The following TTLL10 variants were observed in gnomAD, a reference collection of about 807,000 sequenced individuals.
TTLL10 encodes tubulin tyrosine ligase like 10, also known as inactive polyglycylase TTLL10.
TTLL10 carries 61 observed loss-of-function variants against 69.0 expected under a neutral mutation model. The observed-to-expected ratio is 0.88, with a 90% confidence interval of 0.72 to 1.09. The LOEUF (loss-of-function observed/expected upper bound fraction) is 1.09, where lower values mean the gene tolerates loss of function less well. Among genes scored for constraint, TTLL10 ranks in the 50% least tolerant of loss-of-function variants. The probability of loss-of-function intolerance (pLI) is 0.00; values close to 1 mark genes in which losing one functional copy is unlikely to be tolerated. For synonymous variants in TTLL10, 408 were observed against 393.3 expected, an observed-to-expected ratio of 1.04 and a Z score of -0.44; for missense variants, 962 against 945.9, an observed-to-expected ratio of 1.02 and a Z score of -0.22.
At chr1:1,175,560 T>C (rs1267641966) in intron 3 of TTLL10, 3 of 378,956 alleles carry the variant, frequency 7.9e-6, no homozygotes, top group African/African-American at 6.3e-5. Flanking sequence ...GCTTTTCACA[T>C]GTGCTTGTGT....
chr1:1,179,619 A>G (rs1474673831), intron 4 of TTLL10, 38 bp from the exon 5 acceptor site: 3 of 1,550,486 alleles, frequency 1.9e-6, no homozygotes, highest in African/African-American at 2.7e-5. Flanking sequence ...TGGGTCACCC[A>G]TGACATCATC....
At chr1:1,183,811 C>G in intron 11 of TTLL10, 109 bp from the exon 12 acceptor site, 1 of 1,425,856 alleles carries the variant, frequency 7.0e-7, no homozygotes, top group Non-Finnish European at 9.7e-7. Context: ...ACACCTGGGA[C>G]AGAGGCGGGG....
chr1:1,189,841 G>A (rs138045565), intron 13 of TTLL10, among the ~76,000 whole-genome samples: 2,063 of 152,060 alleles, frequency 0.014, 53 homozygotes, highest in African/African-American at 0.047. Flanking sequence ...CACCAGGCAC[G>A]GTGGCTCATG....
intron 13 of TTLL10, among the ~76,000 whole-genome samples, chr1:1,190,553 G>C (rs964259640): frequency 6.6e-6 from 1 of 151,282 alleles, no homozygotes; most frequent in African/African-American, 2.4e-5. Context: ...TCAGCTTCCC[G>C]AGTAGCTGGG....
In TTLL10 at chr1:1,182,939, G is replaced by A. The variant is rs546816658; in HGVS notation, c.980G>A (p.Arg327Gln). ...SNQGKGIFLL[R>Q]NQEEVAALQA... ...CAGGGCAAAGGCATCTTCCTGCTCC[G>A]GAACCAGGAGGAAGTTGCCGCCCTG... The change falls in exon 11 of 16, where the codon CGG becomes CAG. Residue 327 changes from arginine (R) to glutamine (Q), a missense_variant. Coordinates refer to ENST00000379289, the MANE Select transcript of TTLL10 (RefSeq NM_001130045.2). 3.9e-5 allele frequency: 62 copies of A among 1,599,500 alleles called. No homozygotes were observed. The highest frequency in any genetic ancestry group is 1.6e-4 in the East Asian group (7 of 44,096).
chr1:1,181,012 C>T lies in TTLL10; in HGVS notation c.755+152C>T. On this transcript the variant is annotated intron_variant, in intron 8 of 15. Transcript: ENST00000379289. This position sits in a 1 kb window ranked among gnomAD's most constrained non-coding sequence, Gnocchi z 4.6. ...CCCAGGCTCCCAGGCTGGCTCCAGC[C>T]CCTGCCCCTGCCCTTGCCCCTGCCC... 1 of 603,788 alleles carries T rather than the reference C, an allele frequency of 1.7e-6. No homozygotes were observed. Among genetic ancestry groups the T allele is most frequent in the South Asian group, 2.5e-5 (1 of 39,816 alleles). 37.4% of individuals were successfully genotyped at this position (603,788 alleles called of 1,614,324 possible). A position where few individuals can be genotyped will look rare whatever the true frequency, so the allele number is the denominator to read the frequency against.
chr1:1,187,860 G>A (rs548327035), intron 13 of TTLL10, among the ~76,000 whole-genome samples: 75 of 151,042 alleles, frequency 5.0e-4, no homozygotes, highest in African/African-American at 1.7e-3. Context: ...AGTGGAGATC[G>A]CACTGCTGCA....
Position 1,179,707 on chromosome 1 carries a change from C to T in TTLL10, c.169C>T (p.Pro57Ser), listed in dbSNP as rs534460821. Reference protein sequence around the residue: ...LHPAPASQPGPCPAPGHCPVG... With the variant: ...LHPAPASQPGSCPAPGHCPVG... ...CCCAGCACCGGCCTCACAGCCCGGC[C>T]CCTGCCCTGCACCAGGCCACTGCCC... The change falls in exon 5 of 16, where the codon CCC (proline) becomes TCC (serine). Residue 57 changes from proline (P) to serine (S), a missense_variant. Physicochemically the swap from Pro to Ser is moderately conservative, Grantham distance 74. Coordinates refer to ENST00000379289, the MANE Select transcript of TTLL10 (RefSeq NM_001130045.2). 82 of 1,550,598 alleles carry T rather than the reference C, an allele frequency of 5.3e-5. No homozygotes were observed. The highest frequency in any genetic ancestry group is 5.1e-4 in the African/African-American group (37 of 73,180).
At chr1:1,189,796 T>C (rs955366499) in intron 13 of TTLL10, among the ~76,000 whole-genome samples, 1 of 152,204 alleles carries the variant, frequency 6.6e-6, no homozygotes, top group African/African-American at 2.4e-5. Flanking sequence ...TTCTAATCTT[T>C]AGTCTGCTTT....
At position 1,180,809 on chromosome 1, in the gene TTLL10, G is replaced by C. The variant is rs137938349; in HGVS notation, c.704G>C (p.Arg235Pro). 3.7e-6 allele frequency: 6 copies of C among 1,600,900 alleles called. No individual in the cohort carries two copies. In the Admixed American group the frequency reaches 6.7e-5, roughly 18 times the overall value. Residue 235 changes from arginine (R) to proline (P), a missense_variant, in exon 8 of 16, where the codon CGG becomes CCG. Arg to Pro is a moderately radical substitution (Grantham distance 103). Coordinates refer to ENST00000379289, the MANE Select transcript of TTLL10 (RefSeq NM_001130045.2). ...GGGCTGCTCAGCACCCTTCGGGGAC[G>C]GGCACGGGCCATGAGCAAGGCCAGC... ...KIGLLSTLRG[R>P]ARAMSKASKV... is the part of the protein sequence containing the mutation.
rs267597921 is a variant in TTLL10, at chr1:1,183,934, C to A, written c.1103C>A (p.Pro368Gln). Reference sequence around the variant, plus strand: ...GGTGCCCCCAGGTACATCCAGAACCCGCTGCTGGTGGACGGGAGAAAGTTT... The same window carrying A: ...GGTGCCCCCAGGTACATCCAGAACCAGCTGCTGGTGGACGGGAGAAAGTTT... ...ARVVQRYIQNPLLVDGRKFDV... is the reference protein window; with the variant it reads ...ARVVQRYIQNQLLVDGRKFDV... The change falls in exon 12 of 16, where the codon CCG becomes CAG. Residue 368 changes from proline to glutamine, a missense_variant. Coordinates refer to ENST00000379289, the MANE Select transcript of TTLL10 (RefSeq NM_001130045.2). 6.2e-7 allele frequency: 1 copy of A among 1,614,186 alleles called. No homozygotes were observed. Among genetic ancestry groups the A allele is most frequent in the Non-Finnish European group, 8.5e-7 (1 of 1,180,032 alleles).
In TTLL10 at chr1:1,180,469, C is replaced by A; in HGVS notation, c.507-14C>A. 6.5e-7 allele frequency: 1 copy of A among 1,547,108 alleles called. No homozygotes were observed. The highest frequency in any genetic ancestry group is 2.4e-5 in the East Asian group (1 of 41,088). On this transcript the variant is annotated splice_polypyrimidine_tract_variant and intron_variant, in intron 6 of 15. Coordinates refer to ENST00000379289, the MANE Select transcript of TTLL10 (RefSeq NM_001130045.2). Reference sequence around the variant, plus strand: ...CCTCGGCCCCCAGGTCACCCCCGCCCCCACCCCTCGCAGCATCAGCTCCTA... The same window carrying A: ...CCTCGGCCCCCAGGTCACCCCCGCCACCACCCCTCGCAGCATCAGCTCCTA...
intron 13 of TTLL10, among the ~76,000 whole-genome samples, chr1:1,191,605 A>G (rs1407991122): frequency 6.6e-6 from 1 of 152,246 alleles, no homozygotes; most frequent in Non-Finnish European, 1.5e-5. Context: ...TGCCGAGACC[A>G]GCTCGGTCGG....
chr1:1,174,243 C>A (rs536225011), intron 1 of TTLL10, 42 bp from the exon 2 acceptor site: 2 of 152,620 alleles, frequency 1.3e-5, no homozygotes, highest in African/African-American at 4.8e-5. Context: ...AAGTCCTGGA[C>A]GGACGGCTGC....
chr1:1,184,705 C>T (rs1335134874), intron 12 of TTLL10, among the ~76,000 whole-genome samples: 1 of 150,520 alleles, frequency 6.6e-6, no homozygotes, highest in African/African-American at 2.4e-5. Context: ...TGAGGACAGG[C>T]CCTCCGGACA....
Position 1,182,935 on chromosome 1 carries a change from C to T in TTLL10, c.976C>T (p.Leu326Phe), listed in dbSNP as rs746653227. Residue 326 changes from leucine to phenylalanine, a missense_variant, in exon 11 of 16, where the codon CTC (leucine) becomes TTC (phenylalanine). Leu to Phe is a conservative substitution (Grantham distance 22, BLOSUM62 0). Transcript: ENST00000379289. ...ASNQGKGIFLLRNQEEVAALQ... is the reference protein window; with the variant it reads ...ASNQGKGIFLFRNQEEVAALQ... ...CAACCAGGGCAAAGGCATCTTCCTGCTCCGGAACCAGGAGGAAGTTGCCGC... is the reference window on the plus strand; with the variant it reads ...CAACCAGGGCAAAGGCATCTTCCTGTTCCGGAACCAGGAGGAAGTTGCCGC... The T allele has an allele frequency of 1.3e-6, 2 of 1,599,424 alleles. No individual in the cohort carries two copies. Among genetic ancestry groups the T allele is most frequent in the Non-Finnish European group, 1.7e-6 (2 of 1,173,534 alleles).
chr1:1,197,005 C>T (rs567116189), intron 14 of TTLL10, 88 bp from the exon 15 acceptor site: 5 of 1,241,688 alleles, frequency 4.0e-6, no homozygotes, highest in East Asian at 5.1e-5. Flanking sequence ...TCTCCCAGAG[C>T]CATCTGTCTG....
In TTLL10 at chr1:1,185,658, G is replaced by C; in HGVS notation, c.1401+549G>C. 1.0e-6 allele frequency: 1 copy of C among 985,654 alleles called. No individual in the cohort carries two copies. The highest frequency in any genetic ancestry group is 1.2e-6 in the Non-Finnish European group (1 of 830,088). The allele number at this position is 985,654 out of a possible 1,614,324, so 61.1% of individuals were successfully genotyped here. On this transcript the variant is annotated intron_variant, in intron 13 of 15. Transcript: ENST00000379289. This position sits in a 1 kb window ranked among gnomAD's most constrained non-coding sequence, Gnocchi z 6.1. ...CGGTGTGAAACTGGGATAAAAACGG[G>C]GCTTGGCCGAAGGACTTTTATCTGT... is the stretch of plus-strand genomic sequence containing the variant.
chr1:1,175,198 TAAGGACATAAAGTTAGAAAAGCCCA>T (rs1313440013), intron 3 of TTLL10: 13 of 173,098 alleles, frequency 7.5e-5, no homozygotes, highest in Non-Finnish European at 1.6e-4. Flanking sequence ...GTGAACATCA[TAAGGACATAAAGTTAGAAAAGCCCA>T]AAGGAGGCCT....
Sources: gnomAD v4.1 joint callset for allele counts (sites outside exome capture counted in the v4.1 genomes callset) on GRCh38, gnomAD v4.1.1 for gene constraint, Gnocchi (gnomAD v3.1) non-coding constraint, MANE v1.5 for transcripts, NCBI Gene and HGNC (gene_info 2026-07-23, HGNC 2026-07-21) for gene names.